The following PKP4 variants were observed in gnomAD, a reference collection of about 807,000 sequenced individuals.
PKP4 encodes plakophilin 4.
Under a neutral mutation model 145.1 loss-of-function variants are expected in PKP4, and 90 were observed. The ratio of observed to expected loss-of-function variants is 0.62; its 90% CI spans 0.52 to 0.74. The LOEUF (loss-of-function observed/expected upper bound fraction) is 0.74. Ranked by LOEUF, PKP4 falls within the 30% of genes least tolerant of loss-of-function variation. The pLI is 0.00. For synonymous variants in PKP4, 563 were observed against 577.2 expected, an observed-to-expected ratio of 0.98 and a Z score of 0.35; for missense variants, 1,340 against 1,482.7, an observed-to-expected ratio of 0.90 and a Z score of 1.58.
chr2:158,676,666 G>A, intron 19 of PKP4, 73 bp from the exon 20 acceptor site: 2 of 1,560,850 alleles, frequency 1.3e-6, no homozygotes, highest in Middle Eastern at 3.4e-4. Flanking sequence ...TTTCTGGAGA[G>A]GATTTTCCAC....
chr2:158,486,908 A>C (rs1011971983), intron 1 of PKP4, among the ~76,000 whole-genome samples: 1 of 152,236 alleles, frequency 6.6e-6, no homozygotes, highest in African/African-American at 2.4e-5. Flanking sequence ...TTTGTGTACT[A>C]GCCATTTTAG....
intron 4 of PKP4, among the ~76,000 whole-genome samples, chr2:158,609,502 T>G (rs10208720): frequency 0.83 from 126,899 of 152,174 alleles, 54,115 homozygotes; most frequent in East Asian, 0.97. Flanking sequence ...ATGTTTACTT[T>G]CAGACACTTT....
At chr2:158,601,011 G>A (rs1574714583) in intron 3 of PKP4, among the ~76,000 whole-genome samples, 1 of 152,250 alleles carries the variant, frequency 6.6e-6, no homozygotes, top group East Asian at 1.9e-4. Flanking sequence ...AGAATAAGTT[G>A]ACCTGCTTAT....
At chr2:158,467,426 C>T (rs1308606641) in intron 1 of PKP4, among the ~76,000 whole-genome samples, 3 of 151,854 alleles carry the variant, frequency 2.0e-5, no homozygotes, top group Non-Finnish European at 4.4e-5. Flanking sequence ...GTGGCCTACA[C>T]CTGTAGTTAC....
intron 11 of PKP4, among the ~76,000 whole-genome samples, chr2:158,656,106 A>G (rs769150656): frequency 6.6e-6 from 1 of 152,208 alleles, no homozygotes; most frequent in Non-Finnish European, 1.5e-5. Context: ...AAAATTGAGC[A>G]TAGATAATAT....
chr2:158,680,227 C>A (rs1425897355), intron 21 of PKP4, among the ~76,000 whole-genome samples: 1 of 152,222 alleles, frequency 6.6e-6, no homozygotes, highest in Non-Finnish European at 1.5e-5. Context: ...GGAAACTCAG[C>A]AGCCTGCCTG....
At chr2:158,461,980 A>G (rs1689842312) in intron 1 of PKP4, among the ~76,000 whole-genome samples, 1 of 152,236 alleles carries the variant, frequency 6.6e-6, no homozygotes, top group Non-Finnish European at 1.5e-5. Context: ...TGACACAAAA[A>G]TGATACTGTA....
chr2:158,602,017 C>CT (rs1574720040), intron 3 of PKP4, among the ~76,000 whole-genome samples: 1 of 152,062 alleles, frequency 6.6e-6, no homozygotes, highest in Non-Finnish European at 1.5e-5. Context: ...AATATATGTC[C>CT]TTTTTCTGGT....
At chr2:158,470,262 G>A (rs1691340482) in intron 1 of PKP4, among the ~76,000 whole-genome samples, 1 of 152,096 alleles carries the variant, frequency 6.6e-6, no homozygotes. Context: ...ACCTTCAGTG[G>A]CTCTCCATTG....
intron 1 of PKP4, among the ~76,000 whole-genome samples, chr2:158,474,922 C>T (rs1223018460): frequency 6.6e-6 from 1 of 152,210 alleles, no homozygotes; most frequent in Non-Finnish European, 1.5e-5. Flanking sequence ...CCACATTCAA[C>T]ATTTAGCAAT....
chr2:158,542,779 C>T (rs1022199337), intron 2 of PKP4, among the ~76,000 whole-genome samples: 4 of 152,164 alleles, frequency 2.6e-5, no homozygotes, highest in African/African-American at 7.2e-5. Context: ...CTTACTACTA[C>T]TACCACCACC....
rs142862339 is a variant in PKP4, at chr2:158,602,523, T to C, written c.246-547T>C. 2.9e-3 allele frequency among the ~76,000 whole-genome samples: 438 copies of C among 152,294 alleles called. 1 individual carries two copies. Among genetic ancestry groups the C allele is most frequent in the Non-Finnish European group, 5.2e-3 (352 of 68,006 alleles). ...TGTTTTTATTCACAAATTTTTTAAA[T>C]GCACCCTCTAATAACCAAGGAAAAT... is the stretch of plus-strand genomic sequence containing the variant. On this transcript the variant is annotated intron_variant, in intron 3 of 21. Coordinates refer to ENST00000389759, the MANE Select transcript of PKP4 (RefSeq NM_003628.6).
At chr2:158,537,740 A>T (rs924168353) in intron 2 of PKP4, among the ~76,000 whole-genome samples, 1 of 152,176 alleles carries the variant, frequency 6.6e-6, no homozygotes, top group African/African-American at 2.4e-5. Flanking sequence ...AACTAGATAA[A>T]TACAGCGCTG....
chr2:158,658,099 A>G (rs2056173575), intron 11 of PKP4, 32 bp from the exon 12 acceptor site: 1 of 1,227,984 alleles, frequency 8.1e-7, no homozygotes, highest in Non-Finnish European at 1.2e-6. Flanking sequence ...CAGGATCTCT[A>G]TTTGTTTGAT....
intron 4 of PKP4, among the ~76,000 whole-genome samples, chr2:158,612,067 C>T (rs2051196998): frequency 6.6e-6 from 1 of 151,232 alleles, no homozygotes; most frequent in African/African-American, 2.4e-5. Context: ...TAGAAATTTC[C>T]TTCATTCCAA....
At chr2:158,528,057 A>C (rs2043119972) in intron 1 of PKP4, among the ~76,000 whole-genome samples, 1 of 50,920 alleles carries the variant, frequency 2.0e-5, no homozygotes, top group African/African-American at 6.0e-5. Flanking sequence ...AACTAGTTCA[A>C]CCATTGTGGA....
chr2:158,653,983 G>A (rs1490661519), intron 11 of PKP4, among the ~76,000 whole-genome samples: 3 of 152,170 alleles, frequency 2.0e-5, no homozygotes, highest in South Asian at 4.1e-4. Flanking sequence ...GTTATTAGCC[G>A]GTCTTAAGAG....
At chr2:158,481,753 T>G (rs1007915507) in intron 1 of PKP4, among the ~76,000 whole-genome samples, 2 of 152,232 alleles carry the variant, frequency 1.3e-5, no homozygotes, top group Non-Finnish European at 2.9e-5. Context: ...AGTGCTATTA[T>G]AAGTACTATG....
chr2:158,598,277 T>G (rs2051946), intron 3 of PKP4, among the ~76,000 whole-genome samples: 78,611 of 151,782 alleles, frequency 0.52, 20,694 homozygotes, highest in South Asian at 0.69. Context: ...TTGTGTATAC[T>G]TGTGATAAAA....
Sources: allele counts gnomAD v4.1 joint callset (sites outside exome capture counted in the v4.1 genomes callset), GRCh38; gene constraint gnomAD v4.1.1; transcripts MANE v1.5; gene names NCBI Gene and HGNC (gene_info 2026-07-23, HGNC 2026-07-21).